The following ACER2 variants were observed in gnomAD, a reference collection of about 807,000 sequenced individuals.
ACER2 encodes alkaline ceramidase 2.
ACER2 carries 26 observed loss-of-function variants against 34.7 expected under a neutral mutation model. That is an observed-to-expected ratio of 0.75 (90% confidence interval 0.55 to 1.04). The LOEUF (loss-of-function observed/expected upper bound fraction) is 1.04, where lower values mean the gene tolerates loss of function less well. ACER2 is among the 50% of genes least tolerant of loss of function. The probability of loss-of-function intolerance (pLI) is 0.00; values close to 1 mark genes in which losing one functional copy is unlikely to be tolerated. For missense variants in ACER2, 352 were observed against 340.8 expected (o/e 1.03, Z -0.26); for synonymous variants, 138 against 132.1 (o/e 1.04, Z -0.31).
intron 4 of ACER2, among the ~76,000 whole-genome samples, chr9:19,441,048 CTTTTTT>C (rs539195950): frequency 2.6e-4 from 36 of 138,920 alleles, no homozygotes; most frequent in Non-Finnish European, 3.9e-4. Context: ...TTTTCTTTTT[CTTTTTT>C]TTTTTTTTTT....
chr9:19,436,944 C>G (rs895212702), intron 4 of ACER2, among the ~76,000 whole-genome samples: 1 of 152,214 alleles, frequency 6.6e-6, no homozygotes, highest in South Asian at 2.1e-4. Flanking sequence ...AGCCTCCTCC[C>G]TCTCTGAATT....
At chr9:19,438,061 T>C (rs760460744) in intron 4 of ACER2, among the ~76,000 whole-genome samples, 1 of 152,194 alleles carries the variant, frequency 6.6e-6, no homozygotes, top group Non-Finnish European at 1.5e-5. Flanking sequence ...ATGAAATTTC[T>C]TGAGACTCCC....
At chr9:19,423,074 G>A (rs137929373) in intron 1 of ACER2, among the ~76,000 whole-genome samples, 1,534 of 151,794 alleles carry the variant, frequency 0.01, 25 homozygotes, top group Non-Finnish European at 0.011. Flanking sequence ...AGGCATGGTG[G>A]CATGTACCTA....
At chr9:19,411,913 G>A (rs1267354031) in intron 1 of ACER2, among the ~76,000 whole-genome samples, 1 of 152,074 alleles carries the variant, frequency 6.6e-6, no homozygotes, top group Non-Finnish European at 1.5e-5. Context: ...TAGACAATGG[G>A]TGCTATTTAT....
At position 19,432,998 on chromosome 9, in the gene ACER2, C is replaced by T. The variant is rs530625637; in HGVS notation, c.366-1949C>T. On this transcript the variant is annotated intron_variant, in intron 3 of 5. Transcript: ENST00000340967. ...TCTGAAAACATACGGAAAAATCGCA[C>T]GAAGAAAACAGCTATCCATATCTCA... Among the ~76,000 whole-genome samples the T allele has an allele frequency of 3.4e-4, 52 of 151,872 alleles. No homozygotes were observed. The South Asian group carries it at 9.3e-3, about 27-fold the overall frequency.
At chr9:19,409,477 G>A (rs891406381) in intron 1 of ACER2, among the ~76,000 whole-genome samples, 2 of 152,168 alleles carry the variant, frequency 1.3e-5, no homozygotes, top group African/African-American at 4.8e-5. Context: ...GGAACCAGGG[G>A]TCTGTGTCAG....
intron 4 of ACER2, among the ~76,000 whole-genome samples, chr9:19,439,102 G>A (rs1831061714): frequency 6.6e-6 from 1 of 152,106 alleles, no homozygotes; most frequent in African/African-American, 2.4e-5. Flanking sequence ...TCTAATCTTT[G>A]TAAATAATTA....
chr9:19,447,868 A>G (rs1831418099), intron 5 of ACER2, among the ~76,000 whole-genome samples: 1 of 152,148 alleles, frequency 6.6e-6, no homozygotes, highest in Non-Finnish European at 1.5e-5. Flanking sequence ...AATGGCTCTC[A>G]TAATTCTATC....
intron 2 of ACER2, 133 bp from the exon 3 acceptor site, chr9:19,424,554 GAGTTTCTTTCTTC>G (rs1830503417): frequency 6.8e-7 from 1 of 1,471,978 alleles, no homozygotes; most frequent in Non-Finnish European, 8.9e-7. Context: ...TGGGTGGTGT[GAGTTTCTTTCTTC>G]AGTTTCTTTT....
intron 4 of ACER2, among the ~76,000 whole-genome samples, chr9:19,439,429 C>T (rs1831074200): frequency 6.6e-6 from 1 of 150,774 alleles, no homozygotes; most frequent in African/African-American, 2.4e-5. Context: ...TAACCTTCAC[C>T]TCCAGGTTCA....
At chr9:19,429,364 C>G (rs1460146415) in intron 3 of ACER2, among the ~76,000 whole-genome samples, 1 of 152,168 alleles carries the variant, frequency 6.6e-6, no homozygotes, top group Non-Finnish European at 1.5e-5. Flanking sequence ...CAGGATCTCA[C>G]TCTGTTGCCC....
intron 4 of ACER2, among the ~76,000 whole-genome samples, chr9:19,441,053 T>C (rs538382117): frequency 3.3e-5 from 5 of 150,564 alleles, no homozygotes; most frequent in East Asian, 3.9e-4. Flanking sequence ...TTTTTCTTTT[T>C]TTTTTTTTTT....
At chr9:19,412,708 A>T (rs1830120753) in intron 1 of ACER2, among the ~76,000 whole-genome samples, 1 of 151,396 alleles carries the variant, frequency 6.6e-6, no homozygotes, top group Admixed American at 6.6e-5. Flanking sequence ...GAATACTTGA[A>T]GTTTTTTTCC....
intron 1 of ACER2, among the ~76,000 whole-genome samples, chr9:19,416,810 G>A (rs2132462291): frequency 6.6e-6 from 1 of 152,228 alleles, no homozygotes; most frequent in Admixed American, 6.5e-5. Flanking sequence ...TGGGATTACA[G>A]GCGTGAGCCA....
intron 3 of ACER2, among the ~76,000 whole-genome samples, chr9:19,433,030 G>A (rs1403019101): frequency 6.6e-6 from 1 of 151,870 alleles, no homozygotes; most frequent in African/African-American, 2.4e-5. Context: ...CTCACCTTCA[G>A]TGAAGTAGGT....
chr9:19,428,105 CTTTCT>C (rs370677992), intron 3 of ACER2, among the ~76,000 whole-genome samples: 70 of 124,800 alleles, frequency 5.6e-4, no homozygotes, highest in African/African-American at 1.2e-3. Context: ...CTTTCTTTCT[CTTTCT>C]TTTCTTTTCT....
intron 2 of ACER2, 87 bp from the exon 3 acceptor site, chr9:19,424,613 A>G (rs904339169): frequency 1.3e-6 from 2 of 1,564,802 alleles, no homozygotes; most frequent in African/African-American, 1.4e-5. Flanking sequence ...TGTGTTAACC[A>G]TTGGTGAAAG....
chr9:19,419,034 GA>G (rs576339598), intron 1 of ACER2, among the ~76,000 whole-genome samples: 21 of 152,022 alleles, frequency 1.4e-4, no homozygotes, highest in African/African-American at 5.1e-4. Flanking sequence ...TATAAAAATA[GA>G]AAAAAATTAG....
chr9:19,414,745 A>G (rs1765818970), intron 1 of ACER2, among the ~76,000 whole-genome samples: 1 of 152,092 alleles, frequency 6.6e-6, no homozygotes, highest in South Asian at 2.1e-4. Flanking sequence ...CTATAATCTA[A>G]CAATAGGCTT....
Sources: allele counts gnomAD v4.1 joint callset (sites outside exome capture counted in the v4.1 genomes callset), GRCh38; gene constraint gnomAD v4.1.1; transcripts MANE v1.5; gene names NCBI Gene and HGNC (gene_info 2026-07-23, HGNC 2026-07-21).